Variants in USP50 observed in about 807,000 individuals in gnomAD.
USP50 encodes ubiquitin specific peptidase 50, also known as ubiquitin carboxyl-terminal hydrolase 50.
USP50 carries 37 observed loss-of-function variants against 39.2 expected under a neutral mutation model. The ratio of observed to expected loss-of-function variants is 0.94; its 90% CI spans 0.73 to 1.24. The LOEUF (loss-of-function observed/expected upper bound fraction) is 1.24, where lower values mean the gene tolerates loss of function less well. USP50 is among the 50% of genes most tolerant of loss of function. The pLI, the probability that USP50 is intolerant of heterozygous loss-of-function variation, is 0.00. For synonymous variants in USP50, 139 were observed against 144.5 expected, an observed-to-expected ratio of 0.96 and a Z score of 0.27; for missense variants, 374 against 398.2, an observed-to-expected ratio of 0.94 and a Z score of 0.52.
downstream of USP50, chr15:50,496,114 T>C: frequency 6.6e-7 from 1 of 1,524,478 alleles, no homozygotes; most frequent in Non-Finnish European, 9.0e-7. Flanking sequence ...AGAAAATGAT[T>C]TATTGGATAA....
intron 6 of USP50, chr15:50,514,256 C>T (rs1169649379): frequency 2.0e-5 from 3 of 152,132 alleles, no homozygotes; most frequent in African/African-American, 4.8e-5. Context: ...TTTCCAGACT[C>T]GAAGGCAGGT....
At position 50,543,586 on chromosome 15, in the gene USP50, A is replaced by C; in HGVS notation, c.444+12T>G. ...AGGACTATCCTATTTCAAGGTCATT[A>C]ACTCTACTTACCTTTTTTAGAGCTT... On this transcript the variant is annotated intron_variant, in intron 3 of 6. Transcript: ENST00000532404. 2 of 1,608,488 alleles carry C rather than the reference A, an allele frequency of 1.2e-6. No individual in the cohort carries two copies. The highest frequency in any genetic ancestry group is 1.7e-6 in the Non-Finnish European group (2 of 1,176,810).
chr15:50,494,326 C>G (rs748035415), intron 1 of USP50: 2 of 1,489,514 alleles, frequency 1.3e-6, no homozygotes, highest in East Asian at 4.5e-5. Flanking sequence ...TTTAGGGTTG[C>G]TCAGTAGCAC....
chr15:50,512,666 C>A (rs886951190), intron 6 of USP50: 1 of 152,086 alleles, frequency 6.6e-6, no homozygotes, highest in Admixed American at 6.6e-5. Flanking sequence ...TGGTGGTGCA[C>A]CTGTAATCCC....
intron 1 of USP50, among the ~76,000 whole-genome samples, chr15:50,495,492 G>C (rs200676327): frequency 6.7e-6 from 1 of 149,428 alleles, no homozygotes; most frequent in African/African-American, 2.5e-5. Context: ...TTGGAGGGGG[G>C]GGTCTCACTA....
chr15:50,529,089 C>T (rs533386200), intron 6 of USP50, among the ~76,000 whole-genome samples: 18 of 152,186 alleles, frequency 1.2e-4, no homozygotes, highest in African/African-American at 2.6e-4. Flanking sequence ...TGATCATAGT[C>T]GACTTAGAAC....
chr15:50,499,179 C>T, downstream of USP50: 2 of 1,313,350 alleles, frequency 1.5e-6, no homozygotes, highest in Admixed American at 2.5e-5. Context: ...CTATAGCTGG[C>T]CATTTAGAGG....
At chr15:50,514,257 G>A (rs79234630) in intron 6 of USP50, 3 of 152,146 alleles carry the variant, frequency 2.0e-5, no homozygotes, top group East Asian at 3.8e-4. Context: ...TTCCAGACTC[G>A]AAGGCAGGTA....
downstream of USP50, chr15:50,496,172 C>A: frequency 8.9e-7 from 1 of 1,120,116 alleles, no homozygotes; most frequent in Non-Finnish European, 1.3e-6. Context: ...GGTCTTTACC[C>A]TTACAAACAT....
At chr15:50,528,716 T>C (rs1426088720) in intron 6 of USP50, among the ~76,000 whole-genome samples, 2 of 152,152 alleles carry the variant, frequency 1.3e-5, no homozygotes, top group Non-Finnish European at 2.9e-5. Flanking sequence ...AAACACAAAA[T>C]ACAGAACTGA....
chr15:50,504,530 A>G (rs1042653374), intron 6 of USP50: 8 of 152,254 alleles, frequency 5.3e-5, no homozygotes, highest in African/African-American at 1.9e-4. Context: ...CTCAAAAAAC[A>G]AAAACAAAAA....
intron 5 of USP50, among the ~76,000 whole-genome samples, chr15:50,535,028 C>G (rs929150352): frequency 6.6e-6 from 1 of 151,996 alleles, no homozygotes; most frequent in Non-Finnish European, 1.5e-5. Flanking sequence ...GTAATCCCAG[C>G]TACTGGAGGC....
At chr15:50,516,795 C>G (rs905359848) in intron 6 of USP50, among the ~76,000 whole-genome samples, 1 of 151,546 alleles carries the variant, frequency 6.6e-6, no homozygotes, top group Non-Finnish European at 1.5e-5. Flanking sequence ...ACAAAACAGA[C>G]TAAGTCAAAA....
chr15:50,495,203 TACAC>T (rs577089941), intron 1 of USP50, among the ~76,000 whole-genome samples: 2 of 149,070 alleles, frequency 1.3e-5, no homozygotes, highest in East Asian at 2.0e-4. Context: ...TATATATATA[TACAC>T]ACACACCTAC....
downstream of USP50, among the ~76,000 whole-genome samples, chr15:50,495,626 T>C (rs2141326252): frequency 6.6e-6 from 1 of 152,172 alleles, no homozygotes; most frequent in Admixed American, 6.5e-5. Context: ...AAATAAAAAT[T>C]TGGGAAATTT....
chr15:50,495,159 T>G (rs2052327744), intron 1 of USP50, among the ~76,000 whole-genome samples: 1 of 151,988 alleles, frequency 6.6e-6, no homozygotes, highest in African/African-American at 2.4e-5. Context: ...TCTCACATAT[T>G]TTGGGGTCAC....
rs199957341 is a variant in USP50 at position 50,538,777 on chromosome 15, G to C, written c.735C>G (p.Thr245=). 6 of 1,613,462 alleles carry C rather than the reference G, an allele frequency of 3.7e-6. No homozygotes were observed. Among genetic ancestry groups the C allele is most frequent in the Admixed American group, 1.7e-5 (1 of 59,952 alleles). The change falls in exon 5 of 7, where the codon ACC becomes ACG. Residue 245 remains threonine, a synonymous_variant. Coordinates refer to ENST00000532404, the MANE Select transcript of USP50 (RefSeq NM_203494.5). ...TGGCCCTCACAGCAGTTTCTTGCTT[G>C]GTTTCACAAAAGGAGCAGTGAATTT... The part of the protein sequence containing the change: ...NNEIHCSFCE[T]KQETAVRASI...
At chr15:50,498,542 G>T, downstream of USP50, 3 of 1,520,360 alleles carry the variant, frequency 2.0e-6, no homozygotes, top group Middle Eastern at 2.5e-4. Flanking sequence ...AATGAATGAG[G>T]ATTCATCCTG....
intron 6 of USP50, among the ~76,000 whole-genome samples, chr15:50,515,018 T>C (rs536742897): frequency 8.9e-5 from 13 of 145,700 alleles, no homozygotes; most frequent in Non-Finnish European, 1.4e-4. Context: ...AAAAAAAGTA[T>C]TTTTTAAAAA....
Sources: gnomAD v4.1 joint callset for allele counts (sites outside exome capture counted in the v4.1 genomes callset) on GRCh38, gnomAD v4.1.1 for gene constraint, MANE v1.5 for transcripts, NCBI Gene and HGNC (gene_info 2026-07-23, HGNC 2026-07-21) for gene names.